Variants in LIMCH1 observed in about 807,000 individuals in gnomAD.
The protein encoded by LIMCH1 is LIM and calponin homology domains 1, also known as LIM and calponin homology domains-containing protein 1.
A neutral mutation model predicts 176.5 loss-of-function variants in LIMCH1; 113 were observed. That is an observed-to-expected ratio of 0.64 (90% confidence interval 0.55 to 0.75). The LOEUF (loss-of-function observed/expected upper bound fraction) is 0.75, where lower values mean the gene tolerates loss of function less well. LIMCH1 is among the 30% of genes least tolerant of loss of function. The pLI is 0.00. For missense variants in LIMCH1, 1,674 were observed against 1,814.9 expected (o/e 0.92, Z 1.41); for synonymous variants, 619 against 645.9 (o/e 0.96, Z 0.63).
chr4:41,551,778 T>C (rs1437308642), intron 1 of LIMCH1, among the ~76,000 whole-genome samples: 1 of 152,200 alleles, frequency 6.6e-6, no homozygotes, highest in African/African-American at 2.4e-5. Context: ...GTAGTATCCA[T>C]GGCTACTTTC....
chr4:41,419,650 C>CA lies in LIMCH1; in HGVS notation c.96+58714_96+58715insA, dbSNP rs1467372020. Among the ~76,000 whole-genome samples the CA allele has an allele frequency of 5.1e-4, 29 of 56,342 alleles. 2 individuals carry two copies. The highest frequency in any genetic ancestry group is 2.7e-3 in the African/African-American group (26 of 9,620). The allele number at this position is 56,342 out of a possible 152,430, so 37.0% of individuals were successfully genotyped here. ...TCCTTCCTTCCTCCTTCCTTTCTTC[C>CA]TCCTTCCTTCCTTCCTTCCTTCCTT... On this transcript the variant is annotated intron_variant, in intron 1 of 26. Coordinates refer to the LIMCH1 transcript ENST00000313860.
In LIMCH1 at chr4:41,598,642, A is replaced by G. The variant is rs76710086; in HGVS notation, c.-240-278A>G. On this transcript the variant is annotated intron_variant, in intron 1 of 31. Transcript: ENST00000503057. The stretch of plus-strand genomic sequence containing the variant: ...TTTTTGAGTACAGTTCCCCCTAACA[A>G]TGCTAAGTTTTCCTTTTTAATGGCA... 5.7e-3 allele frequency among the ~76,000 whole-genome samples: 870 copies of G among 152,286 alleles called. 9 individuals carry two copies. Among genetic ancestry groups the G allele is most frequent in the African/African-American group, 0.02 (826 of 41,560 alleles).
At chr4:41,584,495 A>C (rs2086094005) in intron 1 of LIMCH1, among the ~76,000 whole-genome samples, 1 of 152,230 alleles carries the variant, frequency 6.6e-6, no homozygotes, top group Non-Finnish European at 1.5e-5. Flanking sequence ...AAGTCCAATA[A>C]GTTTAGGAAA....
At chr4:41,599,162 C>G (rs1017676244) in intron 2 of LIMCH1, 136 bp downstream of exon 2, 9 of 587,844 alleles carry the variant, frequency 1.5e-5, no homozygotes, top group Non-Finnish European at 2.5e-5. Flanking sequence ...TAAAAATCAA[C>G]TTTCAAAACA....
intron 17 of LIMCH1, among the ~76,000 whole-genome samples, chr4:41,648,658 G>GGTGTGTGTGTGTGTGTGTGT (rs71650941): frequency 6.5e-4 from 88 of 135,398 alleles, no homozygotes; most frequent in African/African-American, 2.4e-3. Flanking sequence ...AAGGGGTAGG[G>GGTGTGTGTGTGTGTGTGTGT]GTGTGTGTGT....
At chr4:41,616,618 C>A (rs779773317) in intron 5 of LIMCH1, among the ~76,000 whole-genome samples, 1 of 152,030 alleles carries the variant, frequency 6.6e-6, no homozygotes, top group African/African-American at 2.4e-5. Flanking sequence ...AATGGAGAAG[C>A]CACCTTAGTA....
chr4:41,673,707 T>C (rs1371550324), intron 22 of LIMCH1, among the ~76,000 whole-genome samples: 2 of 152,034 alleles, frequency 1.3e-5, no homozygotes, highest in Non-Finnish European at 2.9e-5. Context: ...TCAACAAACA[T>C]TTGTTGAGGG....
At chr4:41,686,459 G>A (rs1424053495) in intron 28 of LIMCH1, among the ~76,000 whole-genome samples, 1 of 152,150 alleles carries the variant, frequency 6.6e-6, no homozygotes, top group Non-Finnish European at 1.5e-5. Flanking sequence ...TGATTAAGTA[G>A]TAGAGGAATT....
chr4:41,425,564 C>G (rs2061005160), intron 1 of LIMCH1, among the ~76,000 whole-genome samples: 1 of 152,174 alleles, frequency 6.6e-6, no homozygotes, highest in Non-Finnish European at 1.5e-5. Flanking sequence ...CCAGGCTGGT[C>G]TCGAACTCCT....
intron 1 of LIMCH1, among the ~76,000 whole-genome samples, chr4:41,370,998 A>G (rs1377090531): frequency 6.6e-6 from 1 of 152,208 alleles, no homozygotes; most frequent in Admixed American, 6.5e-5. Flanking sequence ...CTGGTTCCAG[A>G]GCTTGGACTG....
chr4:41,379,554 G>T (rs1392202473), intron 1 of LIMCH1, among the ~76,000 whole-genome samples: 1 of 152,162 alleles, frequency 6.6e-6, no homozygotes, highest in Non-Finnish European at 1.5e-5. Flanking sequence ...TCCACCTTTT[G>T]AAAGGAGGAG....
chr4:41,361,742 A>G (rs1392327583), intron 1 of LIMCH1, among the ~76,000 whole-genome samples: 2 of 152,214 alleles, frequency 1.3e-5, no homozygotes, highest in Non-Finnish European at 2.9e-5. Flanking sequence ...GATGTCTATC[A>G]GTAGATGCAG....
At chr4:41,692,533 G>T (rs1726930319) in intron 31 of LIMCH1, 149 bp downstream of exon 31, 4 of 580,238 alleles carry the variant, frequency 6.9e-6, no homozygotes, top group Admixed American at 6.1e-5. Context: ...AAAAAGAAAA[G>T]ATATTTACCA....
chr4:41,594,391 T>A (rs1290506965), intron 1 of LIMCH1, among the ~76,000 whole-genome samples: 1 of 152,238 alleles, frequency 6.6e-6, no homozygotes, highest in African/African-American at 2.4e-5. Context: ...GTACTTCTTT[T>A]CCCTTGGGAT....
intron 1 of LIMCH1, among the ~76,000 whole-genome samples, chr4:41,596,308 G>A (rs1371129818): frequency 6.7e-6 from 1 of 150,352 alleles, no homozygotes; most frequent in Non-Finnish European, 1.5e-5. Flanking sequence ...AAATTCCAGG[G>A]AGAAAATTTT....
chr4:41,395,963 T>A (rs1441095846), intron 1 of LIMCH1, among the ~76,000 whole-genome samples: 1 of 152,158 alleles, frequency 6.6e-6, no homozygotes, highest in Non-Finnish European at 1.5e-5. Context: ...AGGGACAGTC[T>A]TACTGAGAAG....
chr4:41,695,058 G>A (rs868158704), intron 31 of LIMCH1, among the ~76,000 whole-genome samples: 1 of 151,866 alleles, frequency 6.6e-6, no homozygotes, highest in South Asian at 2.1e-4. Flanking sequence ...CCTAGCCTTT[G>A]CCCATTCTTC....
chr4:41,445,649 T>C (rs1227502329), intron 1 of LIMCH1, among the ~76,000 whole-genome samples: 1 of 152,246 alleles, frequency 6.6e-6, no homozygotes, highest in Non-Finnish European at 1.5e-5. Context: ...TTTCCTTATC[T>C]GTTTATCCAG....
In LIMCH1 at chr4:41,419,584, T is replaced by TTCCTTCC. The variant is rs1561309151; in HGVS notation, c.96+58650_96+58656dup. 7.6e-4 allele frequency among the ~76,000 whole-genome samples: 68 copies of TTCCTTCC among 89,646 alleles called. 4 individuals carry two copies. Among genetic ancestry groups the TTCCTTCC allele is most frequent in the African/African-American group, 4.9e-3 (67 of 13,740 alleles). The allele number at this position is 89,646 out of a possible 152,430, so 58.8% of individuals were successfully genotyped here. A position where few individuals can be genotyped will look rare whatever the true frequency, so the allele number is the denominator to read the frequency against. The stretch of plus-strand genomic sequence containing the variant: ...TCCCCTTCCTTCCTTCCTTCCTTCC[T>TTCCTTCC]TCCTTCCTTCCTTCCTTCCGTCCTT... On this transcript the variant is annotated intron_variant, in intron 1 of 26. Transcript: ENST00000313860.
Sources: allele counts gnomAD v4.1 joint callset (sites outside exome capture counted in the v4.1 genomes callset), GRCh38; gene constraint gnomAD v4.1.1; transcripts MANE v1.5; gene names NCBI Gene and HGNC (gene_info 2026-07-23, HGNC 2026-07-21).